The following COL23A1 variants were observed in gnomAD, a reference collection of about 807,000 sequenced individuals.
The protein encoded by COL23A1 is collagen alpha-1(XXIII) chain.
In COL23A1, 97 loss-of-function variants were observed where a neutral mutation model predicts 99.3. The observed-to-expected ratio is 0.98, with a 90% CI of 0.83 to 1.16. The LOEUF is 1.16. Among genes scored for constraint, COL23A1 ranks in the 50% most tolerant of loss-of-function variants. The probability of loss-of-function intolerance (pLI) is 0.00; values close to 1 mark genes in which losing one functional copy is unlikely to be tolerated. For synonymous variants in COL23A1, 320 were observed against 308.2 expected (o/e 1.04, Z -0.40); for missense variants, 762 against 757.4 (o/e 1.01, Z -0.07).
chr5:178,364,705 C>T (rs972007056), intron 2 of COL23A1, among the ~76,000 whole-genome samples: 1 of 152,212 alleles, frequency 6.6e-6, no homozygotes, highest in South Asian at 2.1e-4. Flanking sequence ...ACAGCTTTTC[C>T]TGTCCCCACT....
intron 2 of COL23A1, among the ~76,000 whole-genome samples, chr5:178,398,982 G>C (rs543530608): frequency 3.1e-4 from 47 of 152,362 alleles, no homozygotes; most frequent in Admixed American, 2.9e-3. Flanking sequence ...CGTCACTCCG[G>C]GATGACTGCT....
intron 2 of COL23A1, among the ~76,000 whole-genome samples, chr5:178,356,775 C>T (rs1761678765): frequency 6.6e-6 from 1 of 152,046 alleles, no homozygotes; most frequent in African/African-American, 2.4e-5. Context: ...CGCACCCTCC[C>T]CCGGCCGCCT....
At chr5:178,247,051 T>G (rs578253503) in intron 22 of COL23A1, among the ~76,000 whole-genome samples, 138 of 152,042 alleles carry the variant, frequency 9.1e-4, no homozygotes, top group South Asian at 7.1e-3. Flanking sequence ...GGGCAGGGCA[T>G]GCAGGCAGGC....
Position 178,332,208 on chromosome 5 carries a change from C to T in COL23A1, c.362-25289G>A, listed in dbSNP as rs117046742. On this transcript the variant is annotated intron_variant, in intron 2 of 28. Coordinates refer to ENST00000390654, the MANE Select transcript of COL23A1 (RefSeq NM_173465.4). ...GTGGTCGTCTGCAGCTTTTGGTCAC[C>T]CTCTCCACACCTGGATGCTTTCCAC... Among the ~76,000 whole-genome samples, 13 of 152,262 alleles carry T rather than the reference C, an allele frequency of 8.5e-5. No individual in the cohort carries two copies. The East Asian group carries it at 2.3e-3, about 27-fold the overall frequency.
At chr5:178,437,698 C>T (rs1035985648) in intron 2 of COL23A1, among the ~76,000 whole-genome samples, 4 of 152,340 alleles carry the variant, frequency 2.6e-5, no homozygotes, top group African/African-American at 9.6e-5. Flanking sequence ...CCCCGTACTC[C>T]CCTACTTCCC....
intron 2 of COL23A1, among the ~76,000 whole-genome samples, chr5:178,517,320 T>C (rs1036306432): frequency 6.6e-6 from 1 of 151,968 alleles, no homozygotes; most frequent in African/African-American, 2.4e-5. Flanking sequence ...AAAAAAGCAA[T>C]AGCCCCACAC....
At chr5:178,405,216 G>A (rs148533627) in intron 2 of COL23A1, among the ~76,000 whole-genome samples, 2,289 of 152,350 alleles carry the variant, frequency 0.015, 28 homozygotes, top group Non-Finnish European at 0.024. Flanking sequence ...ACCACAGCCC[G>A]GCTCTGAGGC....
intron 2 of COL23A1, among the ~76,000 whole-genome samples, chr5:178,414,716 G>A (rs1765217014): frequency 6.6e-6 from 1 of 152,158 alleles, no homozygotes; most frequent in African/African-American, 2.4e-5. Context: ...AGGTTGCAGT[G>A]AGCTGAGATG....
intron 2 of COL23A1, among the ~76,000 whole-genome samples, chr5:178,381,989 A>C (rs1406434187): frequency 6.6e-6 from 1 of 151,996 alleles, no homozygotes; most frequent in African/African-American, 2.4e-5. Flanking sequence ...TGGGAATCCT[A>C]GGCATTCTGA....
chr5:178,247,979 G>T (rs1479419640), intron 20 of COL23A1, 148 bp from the exon 21 acceptor site: 1 of 774,570 alleles, frequency 1.3e-6, no homozygotes, highest in African/African-American at 1.8e-5. Context: ...CTGGTCTGCG[G>T]AGCTTATAGT....
chr5:178,349,860 C>G (rs941239511), intron 2 of COL23A1, among the ~76,000 whole-genome samples: 1 of 101,046 alleles, frequency 9.9e-6, no homozygotes, highest in Non-Finnish European at 2.0e-5. Flanking sequence ...GCAGTGGCCC[C>G]TGACTGGAGG....
At chr5:178,518,748 G>A (rs1226013356) in intron 2 of COL23A1, among the ~76,000 whole-genome samples, 8 of 150,270 alleles carry the variant, frequency 5.3e-5, no homozygotes, top group Admixed American at 2.7e-4. Context: ...GGTGGCAGCC[G>A]GGCAGAGGCT....
chr5:178,251,914 T>C (rs545123363), intron 17 of COL23A1, among the ~76,000 whole-genome samples: 17 of 135,580 alleles, frequency 1.3e-4, no homozygotes, highest in African/African-American at 2.8e-4. Context: ...CTTTTCTTTT[T>C]TTTTTTTTTT....
intron 2 of COL23A1, among the ~76,000 whole-genome samples, chr5:178,360,113 T>C (rs1762096841): frequency 6.6e-6 from 1 of 152,192 alleles, no homozygotes; most frequent in African/African-American, 2.4e-5. Context: ...GATGCCAGCC[T>C]GCTGACATGC....
chr5:178,243,051 A>G (rs1764492207), intron 25 of COL23A1, among the ~76,000 whole-genome samples: 1 of 152,136 alleles, frequency 6.6e-6, no homozygotes, highest in African/African-American at 2.4e-5. Flanking sequence ...TTAGCCGAGT[A>G]TGGTGATGCG....
intron 2 of COL23A1, among the ~76,000 whole-genome samples, chr5:178,486,455 T>C (rs1248520368): frequency 3.3e-5 from 5 of 151,936 alleles, no homozygotes; most frequent in Non-Finnish European, 7.4e-5. Flanking sequence ...TTACCACGTG[T>C]AGAAAGCAAA....
rs371806819 is a variant in COL23A1, at chr5:178,242,455, C to T, written c.1441-61G>A. ...GGCTGGAGGTTTGCCCCTCTGTTAC[C>T]GGCTCATCTCTGTTCCTCTCCCATC... On this transcript the variant is annotated intron_variant, in intron 25 of 28. Transcript: ENST00000390654. 493 of 1,540,834 alleles carry T rather than the reference C, an allele frequency of 3.2e-4. 2 individuals carry two copies. The highest frequency in any genetic ancestry group is 3.7e-4 in the Non-Finnish European group (415 of 1,117,716).
At position 178,340,756 on chromosome 5, in the gene COL23A1, G is replaced by T. The variant is rs1158350858; in HGVS notation, c.362-33837C>A. Among the ~76,000 whole-genome samples, 1 of 152,240 alleles carries T rather than the reference G, an allele frequency of 6.6e-6. No homozygotes were observed. Among genetic ancestry groups the T allele is most frequent in the Non-Finnish European group, 1.5e-5 (1 of 68,040 alleles). On this transcript the variant is annotated intron_variant, in intron 2 of 28. Coordinates refer to ENST00000390654, the MANE Select transcript of COL23A1 (RefSeq NM_173465.4). The surrounding 1 kb of genome is among the most constrained non-coding windows in gnomAD (Gnocchi z 4.7). Reference sequence around the variant, plus strand: ...AGTCTCACCGGAATGGAGGTGGGCGGGAATGGAGGTGGCCGGGGCAAGGCC... The same window carrying T: ...AGTCTCACCGGAATGGAGGTGGGCGTGAATGGAGGTGGCCGGGGCAAGGCC...
At chr5:178,519,459 G>A (rs1277745828) in intron 2 of COL23A1, among the ~76,000 whole-genome samples, 3 of 152,254 alleles carry the variant, frequency 2.0e-5, no homozygotes, top group Non-Finnish European at 4.4e-5. Context: ...GGAACAAGTG[G>A]CCGCGCCCTG....
Sources: gnomAD v4.1 joint callset for allele counts (sites outside exome capture counted in the v4.1 genomes callset) on GRCh38, gnomAD v4.1.1 for gene constraint, Gnocchi (gnomAD v3.1) non-coding constraint, MANE v1.5 for transcripts, NCBI Gene and HGNC (gene_info 2026-07-23, HGNC 2026-07-21) for gene names.